MAGED1: variants seen among roughly 807,000 people sequenced by gnomAD.
MAGED1 encodes the protein MAGE family member D1, also known as melanoma-associated antigen D1.
In MAGED1, 3 loss-of-function variants were observed where a neutral mutation model predicts 54.1. That is an observed-to-expected ratio of 0.06 (90% CI 0.03 to 0.14). The LOEUF is 0.14. MAGED1 is among the 10% of genes least tolerant of loss of function. MAGED1 has a pLI of 1.00. For synonymous variants in MAGED1, 217 were observed against 227.3 expected, an observed-to-expected ratio of 0.95 and a Z score of 0.41; for missense variants, 485 against 623.4, an observed-to-expected ratio of 0.78 and a Z score of 2.36.
At chrX:51,860,276 A>G (rs781938103) in intron 1 of MAGED1, among the ~76,000 whole-genome samples, 6 of 111,513 alleles carry the variant, frequency 5.4e-5, no homozygotes, top group Non-Finnish European at 1.1e-4. Flanking sequence ...AAAAGAAAAG[A>G]AAAAAAGGAG....
chrX:51,834,038 T>G (rs1201218904), intron 1 of MAGED1, among the ~76,000 whole-genome samples: 1 of 112,301 alleles, frequency 8.9e-6, no homozygotes, highest in Non-Finnish European at 1.9e-5. Context: ...GGTAGAAATA[T>G]ATGCATTCTT....
At position 51,895,068 on chromosome X, in the gene MAGED1, G is replaced by A. The variant is rs1928671710; in HGVS notation, c.61G>A (p.Glu21Lys). The A allele has an allele frequency of 8.3e-7, 1 of 1,207,129 alleles. No homozygotes were observed. The highest frequency in any genetic ancestry group is 1.1e-6 in the Non-Finnish European group (1 of 893,293). Reference sequence around the variant, plus strand: ...GTGTTTGCAGGCTGAGGCCTCCGTAGAAGACAGCGCCTTGCTTATGCAGAC... The same window carrying A: ...GTGTTTGCAGGCTGAGGCCTCCGTAAAAGACAGCGCCTTGCTTATGCAGAC... ...LLGFQAEASV[E>K]DSALLMQTLM... Residue 21 changes from glutamate (E) to lysine (K), a missense_variant, in exon 3 of 13, where the codon GAA (glutamate) becomes AAA (lysine). By Grantham distance (56) the Glu-to-Lys change is moderately conservative. This residue lies in a region of MAGED1 where 299 missense variants were observed against 293.1 expected (regional missense o/e 1.02). Transcript: ENST00000326587.
At chrX:51,828,146 T>C (rs1925925138) in intron 1 of MAGED1, among the ~76,000 whole-genome samples, 1 of 112,045 alleles carries the variant, frequency 8.9e-6, no homozygotes, top group South Asian at 3.7e-4. Flanking sequence ...TACTTGTTTT[T>C]CTTAACTTTT....
chrX:51,825,391 A>G (rs1159401544), intron 1 of MAGED1, among the ~76,000 whole-genome samples: 1 of 112,407 alleles, frequency 8.9e-6, no homozygotes, highest in African/African-American at 3.2e-5. Flanking sequence ...TTGTGATTCT[A>G]GAATCAGGCA....
chrX:51,888,245 G>A (rs922254817), intron 1 of MAGED1, among the ~76,000 whole-genome samples: 2 of 111,547 alleles, frequency 1.8e-5, no homozygotes, highest in East Asian at 2.8e-4. Context: ...GTATCAAAAC[G>A]TCTCATGTAC....
intron 1 of MAGED1, among the ~76,000 whole-genome samples, chrX:51,814,869 G>T (rs782393032): frequency 1.9e-5 from 2 of 107,621 alleles, no homozygotes; most frequent in East Asian, 5.8e-4. Context: ...GGTGGCTCAC[G>T]CCTGTAATCC....
chrX:51,861,728 G>T (rs1442437064), intron 1 of MAGED1, among the ~76,000 whole-genome samples: 1 of 111,417 alleles, frequency 9.0e-6, no homozygotes, highest in Non-Finnish European at 1.9e-5. Flanking sequence ...CTGTCACCCA[G>T]GCTATAGTGC....
chrX:51,816,735 G>GA (rs58465198), intron 1 of MAGED1, among the ~76,000 whole-genome samples: 4 of 105,839 alleles, frequency 3.8e-5, no homozygotes, highest in Non-Finnish European at 3.9e-5. Flanking sequence ...GTAAAAGAAA[G>GA]AAAAAAAAAA....
intron 1 of MAGED1, among the ~76,000 whole-genome samples, chrX:51,871,496 C>T (rs1237313640): frequency 1.8e-5 from 2 of 109,169 alleles, no homozygotes; most frequent in South Asian, 4.2e-4. Flanking sequence ...TTGTTCAGTT[C>T]CCACCTATGA....
At chrX:51,835,320 C>T (rs1042080649) in intron 1 of MAGED1, among the ~76,000 whole-genome samples, 10 of 111,055 alleles carry the variant, frequency 9.0e-5, no homozygotes, top group Non-Finnish European at 1.7e-4. Flanking sequence ...TCATCTAACA[C>T]GGAGCTTCTT....
rs202231305 is a variant in MAGED1 at position 51,896,734 on chromosome X, T to C, written c.1079T>C (p.Ile360Thr). ...WQNPVIWPNP[I>T]VWPGPVVWPN... ...AACCCAGTGATCTGGCCAAACCCCA[T>C]TGTCTGGCCCGGCCCTGTTGTCTGG... is the stretch of plus-strand genomic sequence containing the variant. Residue 360 changes from isoleucine (I) to threonine (T), a missense_variant, in exon 4 of 13, where the codon ATT (isoleucine) becomes ACT (threonine). By Grantham distance (89) the Ile-to-Thr change is moderately conservative. Around this residue, in one of 2 missense-constraint regions of MAGED1, gnomAD observed 299 missense variants for 293.1 expected, o/e 1.02. Coordinates refer to ENST00000326587, the MANE Select transcript of MAGED1 (RefSeq NM_006986.4). 4.1e-6 allele frequency: 5 copies of C among 1,210,376 alleles called. No homozygotes were observed. The highest frequency in any genetic ancestry group is 5.6e-6 in the Non-Finnish European group (5 of 895,180).
chrX:51,900,160 A>G (rs782785835), intron 10 of MAGED1, 22 bp from the exon 11 acceptor site: 1 of 1,055,165 alleles, frequency 9.5e-7, no homozygotes, highest in Non-Finnish European at 1.3e-6. Flanking sequence ...AGGTAGACAC[A>G]AAGACTGTTT....
At chrX:51,805,726 T>C (rs1925000599) in intron 1 of MAGED1, among the ~76,000 whole-genome samples, 1 of 108,634 alleles carries the variant, frequency 9.2e-6, no homozygotes, top group Non-Finnish European at 1.9e-5. Flanking sequence ...TCAACAACTG[T>C]TAACCTTTGC....
At chrX:51,885,576 C>CT (rs1928208415) in intron 1 of MAGED1, among the ~76,000 whole-genome samples, 1 of 111,298 alleles carries the variant, frequency 9.0e-6, no homozygotes, top group South Asian at 3.8e-4. Context: ...CTTTGCTGTG[C>CT]AGAAGCTTTT....
chrX:51,812,332 A>G (rs1453882331), intron 1 of MAGED1, among the ~76,000 whole-genome samples: 1 of 111,300 alleles, frequency 9.0e-6, no homozygotes, highest in Admixed American at 9.5e-5. Context: ...ACCTAAAATA[A>G]TGGGCAATTT....
rs781994502 is a variant in MAGED1, at chrX:51,902,156, C to G, written c.*19C>G. ...TTCTTATGTTCACAGATATTGCTAT[C>G]AATCGCAGTAGTCTTTCCCCTGTGT... On this transcript the variant is annotated 3_prime_UTR_variant, in exon 13 of 13. Transcript: ENST00000326587. 6.1e-6 allele frequency: 2 copies of G among 328,174 alleles called. No individual in the cohort carries two copies. The highest frequency in any genetic ancestry group is 1.1e-4 in the Admixed American group (2 of 18,525). 27.0% of individuals were successfully genotyped at this position (328,174 alleles called of 1,213,427 possible).
At chrX:51,897,508 C>T (rs1208658563) in intron 5 of MAGED1, 39 bp from the exon 6 acceptor site, 6 of 1,074,998 alleles carry the variant, frequency 5.6e-6, no homozygotes, top group Non-Finnish European at 7.7e-6. Flanking sequence ...GCTCTGTGGC[C>T]CCCGCTCGGC....
chrX:51,805,289 G>A (rs181128052), intron 1 of MAGED1, among the ~76,000 whole-genome samples: 52 of 111,237 alleles, frequency 4.7e-4, no homozygotes, highest in Admixed American at 4.2e-3. Flanking sequence ...TTTTAAATAT[G>A]GCTTTCCCCC....
At chrX:51,828,925 G>A (rs1925956733) in intron 1 of MAGED1, among the ~76,000 whole-genome samples, 1 of 110,970 alleles carries the variant, frequency 9.0e-6, no homozygotes, top group Non-Finnish European at 1.9e-5. Context: ...AATATCATAT[G>A]GATTTTTTCT....
Sources: gnomAD v4.1 joint callset for allele counts (sites outside exome capture counted in the v4.1 genomes callset) on GRCh38, gnomAD v4.1.1 for gene constraint, gnomAD v4.1.1 regional missense constraint, MANE v1.5 for transcripts, NCBI Gene and HGNC (gene_info 2026-07-23, HGNC 2026-07-21) for gene names.